Variants in VDR observed in about 807,000 individuals in gnomAD.
The protein encoded by VDR is vitamin D3 receptor.
VDR carries 19 observed loss-of-function variants against 39.7 expected under a neutral mutation model. The observed-to-expected ratio is 0.48, with a 90% confidence interval of 0.33 to 0.70. The LOEUF (loss-of-function observed/expected upper bound fraction) is 0.70. Among genes scored for constraint, VDR ranks in the 30% least tolerant of loss-of-function variants. The probability of loss-of-function intolerance (pLI) is 0.02; values close to 1 mark genes in which losing one functional copy is unlikely to be tolerated. For missense variants in VDR, 442 were observed against 570.5 expected (o/e 0.77, Z 2.29); for synonymous variants, 242 against 215.8 (o/e 1.12, Z -1.07).
chr12:47,898,718 C>T (rs1434549451), intron 1 of VDR: 1 of 155,378 alleles, frequency 6.4e-6, no homozygotes, highest in East Asian at 1.9e-4. Flanking sequence ...TGTGCATCGA[C>T]ATGGATGAAC....
intron 6 of VDR, 108 bp from the exon 7 acceptor site, chr12:47,855,909 G>C: frequency 7.4e-7 from 1 of 1,346,370 alleles, no homozygotes; most frequent in East Asian, 2.3e-5. Flanking sequence ...GAGCCAGCTG[G>C]GAATCCCACA....
At chr12:47,865,297 C>T (rs1045888039) in intron 3 of VDR, 120 bp from the exon 4 acceptor site, 13 of 1,469,160 alleles carry the variant, frequency 8.8e-6, no homozygotes, top group Middle Eastern at 1.8e-4. Context: ...AGACATGAGG[C>T]CCACCCCAGC....
At chr12:47,857,793 C>G in intron 4 of VDR, 105 bp from the exon 5 acceptor site, 1 of 1,295,136 alleles carries the variant, frequency 7.7e-7, no homozygotes, top group Non-Finnish European at 1.1e-6. Flanking sequence ...GGCTTTAACA[C>G]TCGGGGCTCC....
chr12:47,881,215 A>C (rs1946144996), intron 2 of VDR, among the ~76,000 whole-genome samples: 1 of 152,034 alleles, frequency 6.6e-6, no homozygotes, highest in Non-Finnish European at 1.5e-5. Context: ...ATACAGCTGG[A>C]GACCATTATC....
chr12:47,870,462 C>T (rs1264828593), intron 3 of VDR, among the ~76,000 whole-genome samples: 1 of 152,118 alleles, frequency 6.6e-6, no homozygotes, highest in Non-Finnish European at 1.5e-5. Flanking sequence ...GCATTTATAC[C>T]CCAGCTCAGG....
At chr12:47,882,527 ACT>A in intron 2 of VDR, 165 bp downstream of exon 2, 1 of 622,802 alleles carries the variant, frequency 1.6e-6, no homozygotes, top group Non-Finnish European at 2.8e-6. Context: ...CACCCCACAC[ACT>A]CATGCATCTC....
chr12:47,900,181 C>A (rs1210620951), intron 1 of VDR, among the ~76,000 whole-genome samples: 3 of 152,140 alleles, frequency 2.0e-5, no homozygotes, highest in African/African-American at 7.2e-5. Context: ...GTAAGGTGCC[C>A]AAGACTGCCA....
At chr12:47,880,863 T>TATATATTATATATTAATATATATTAA (rs1946134731) in intron 2 of VDR, among the ~76,000 whole-genome samples, 1 of 126,188 alleles carries the variant, frequency 7.9e-6, no homozygotes, top group Non-Finnish European at 1.7e-5. Flanking sequence ...TACATATTAA[T>TATATATTATATATTAATATATATTAA]ATATATTATA....
intron 7 of VDR, among the ~76,000 whole-genome samples, chr12:47,853,248 C>T (rs1353380993): frequency 2.0e-5 from 3 of 151,252 alleles, no homozygotes; most frequent in Non-Finnish European, 2.9e-5. Context: ...CAAGACCATC[C>T]TGGCTAACAC....
chr12:47,853,182 C>T (rs1002210851), intron 7 of VDR, among the ~76,000 whole-genome samples: 2 of 152,156 alleles, frequency 1.3e-5, no homozygotes, highest in Non-Finnish European at 2.9e-5. Flanking sequence ...GTGGCTCATG[C>T]CTGTAATCCC....
At chr12:47,861,024 GCT>G (rs954971827) in intron 4 of VDR, among the ~76,000 whole-genome samples, 9 of 152,232 alleles carry the variant, frequency 5.9e-5, no homozygotes, top group African/African-American at 2.2e-4. Context: ...AGATGAGGGA[GCT>G]GAGGCCCAGA....
intron 3 of VDR, among the ~76,000 whole-genome samples, chr12:47,870,481 G>A (rs867692931): frequency 3.3e-5 from 5 of 150,564 alleles, no homozygotes; most frequent in Admixed American, 2.6e-4. Flanking sequence ...GGAAGGGGGG[G>A]TAGGGGTGGG....
At chr12:47,871,747 G>A (rs1238294438) in intron 3 of VDR, among the ~76,000 whole-genome samples, 1 of 152,220 alleles carries the variant, frequency 6.6e-6, no homozygotes, top group Non-Finnish European at 1.5e-5. Flanking sequence ...TTACAGGCAT[G>A]AGCCACCGTG....
intron 1 of VDR, among the ~76,000 whole-genome samples, chr12:47,887,940 C>T (rs974757664): frequency 1.3e-5 from 2 of 152,206 alleles, no homozygotes; most frequent in Non-Finnish European, 2.9e-5. Flanking sequence ...TGAGAACCTG[C>T]TAAAAGCCAT....
chr12:47,860,406 G>C (rs1283930268), intron 4 of VDR, among the ~76,000 whole-genome samples: 2 of 152,164 alleles, frequency 1.3e-5, no homozygotes, highest in African/African-American at 4.8e-5. Flanking sequence ...TCATTTTCCT[G>C]GTTCAGGAAA....
At chr12:47,875,656 A>T (rs1381291955) in intron 3 of VDR, among the ~76,000 whole-genome samples, 2 of 152,224 alleles carry the variant, frequency 1.3e-5, no homozygotes, top group Non-Finnish European at 2.9e-5. Context: ...GATTCTCATT[A>T]TTCATGGTAG....
intron 3 of VDR, among the ~76,000 whole-genome samples, chr12:47,874,785 C>G (rs1945966873): frequency 1.3e-5 from 2 of 152,204 alleles, no homozygotes; most frequent in African/African-American, 4.8e-5. Flanking sequence ...GTCCATTACA[C>G]CTTTTCCTTT....
intron 1 of VDR, among the ~76,000 whole-genome samples, chr12:47,885,131 G>A (rs1313118626): frequency 2.0e-5 from 3 of 152,098 alleles, no homozygotes; most frequent in Non-Finnish European, 2.9e-5. Flanking sequence ...TGCTGGGACC[G>A]TCCCCAGAGC....
At chr12:47,880,047 C>T (rs1946113685) in intron 2 of VDR, among the ~76,000 whole-genome samples, 1 of 152,070 alleles carries the variant, frequency 6.6e-6, no homozygotes, top group African/African-American at 2.4e-5. Flanking sequence ...CTGTCAGGCT[C>T]AGAGATGATT....
Sources: gnomAD v4.1 joint callset for allele counts (sites outside exome capture counted in the v4.1 genomes callset) on GRCh38, gnomAD v4.1.1 for gene constraint, MANE v1.5 for transcripts, NCBI Gene and HGNC (gene_info 2026-07-23, HGNC 2026-07-21) for gene names.